Variants in PEG3 observed in about 807,000 individuals in gnomAD.
PEG3 encodes the protein paternally expressed 3.
Under a neutral mutation model 35.5 loss-of-function variants are expected in PEG3, and 23 were observed. The ratio of observed to expected loss-of-function variants is 0.65; its 90% confidence interval spans 0.47 to 0.92. The LOEUF is 0.92. Among genes scored for constraint, PEG3 ranks in the 40% least tolerant of loss-of-function variants. The probability of loss-of-function intolerance (pLI) is 0.00; values close to 1 mark genes in which losing one functional copy is unlikely to be tolerated. For missense variants in PEG3, 1,960 were observed against 1,985.3 expected (o/e 0.99, Z 0.24); for synonymous variants, 707 against 697.0 (o/e 1.01, Z -0.23).
chr19:56,837,670 G>C (rs1461774771), intron 1 of PEG3, among the ~76,000 whole-genome samples: 1 of 152,220 alleles, frequency 6.6e-6, no homozygotes, highest in Non-Finnish European at 1.5e-5. Context: ...CGGTCACTCA[G>C]GAAGGCTCCA....
intron 2 of PEG3, among the ~76,000 whole-genome samples, chr19:56,832,354 C>T (rs558958778): frequency 1.7e-4 from 26 of 152,208 alleles, no homozygotes; most frequent in African/African-American, 5.8e-4. Context: ...ACCATCTGTA[C>T]CTCCCCTCTC....
Position 56,836,075 on chromosome 19 carries a change from CAAG to C in PEG3, c.-223_-221del, listed in dbSNP as rs2062071211. The C allele has an allele frequency of 2.0e-6, 1 of 501,988 alleles. No individual in the cohort carries two copies. The highest frequency in any genetic ancestry group is 3.2e-4 in the Middle Eastern group (1 of 3,134). 31.1% of individuals were successfully genotyped at this position (501,988 alleles called of 1,614,324 possible). ...CCCTCTTCCTCTCGCCAGTCGTCTC[CAAG>C]AAGGACGGAAGATCAAGAAGGCAAA... On this transcript the variant is annotated 5_prime_UTR_variant, in exon 2 of 10. Transcript: ENST00000326441.
In PEG3 at chr19:56,816,293, C is replaced by T; in HGVS notation, c.2149G>A (p.Gly717Arg). Reference sequence around the variant, plus strand: ...CTATGAATGACAGATTTCTCATACCCTCTGCCTTCAAAGAGGTTCTTTCGA... The same window carrying T: ...CTATGAATGACAGATTTCTCATACCTTCTGCCTTCAAAGAGGTTCTTTCGA... ...HSRKNLFEGR[G>R]YEKSVIHSGP... Residue 717 changes from glycine (G) to arginine (R), a missense_variant, in exon 10 of 10, where the codon GGG (glycine) becomes AGG (arginine). Physicochemically the swap from Gly to Arg is moderately radical, Grantham distance 125. This residue lies in a region of PEG3 where 798 missense variants were observed against 782.4 expected (regional missense o/e 1.02). Coordinates refer to ENST00000326441, the MANE Select transcript of PEG3 (RefSeq NM_006210.3). 1 of 1,614,050 alleles carries T rather than the reference C, an allele frequency of 6.2e-7. No individual in the cohort carries two copies.
rs771988170 is a variant in PEG3, at chr19:56,817,151, G to GGCTGCTCAC, written c.1282_1290dup (p.Val428_Ser430dup). On this transcript the variant is annotated inframe_insertion, in exon 10 of 10. Coordinates refer to ENST00000326441, the MANE Select transcript of PEG3 (RefSeq NM_006210.3). The stretch of plus-strand genomic sequence containing the variant: ...AAGGAGGGGGAGCTGAGGCTGCTCA[G>GGCTGCTCAC]GCTGCTCACGCTCATGGCTTTTCTC... The GGCTGCTCAC allele has an allele frequency of 1.2e-6, 2 of 1,614,156 alleles. No homozygotes were observed. Among genetic ancestry groups the GGCTGCTCAC allele is most frequent in the Non-Finnish European group, 1.7e-6 (2 of 1,180,000 alleles).
At chr19:56,830,671 G>C (rs2061489713) in intron 2 of PEG3, among the ~76,000 whole-genome samples, 1 of 152,152 alleles carries the variant, frequency 6.6e-6, no homozygotes, top group Non-Finnish European at 1.5e-5. Flanking sequence ...AATACAGCAA[G>C]AGAAATAATT....
chr19:56,837,527 G>T (rs919029807), intron 1 of PEG3, among the ~76,000 whole-genome samples: 1 of 152,252 alleles, frequency 6.6e-6, no homozygotes, highest in Admixed American at 6.5e-5. Flanking sequence ...ACCCAAGGCT[G>T]CACAGCTGAA....
rs552976487 is a variant in PEG3, at chr19:56,821,068, T to C, written c.669+583A>G. ...GCTGCCTCTTAAACCACAACTGCCATAATTGTTAACATTTAACGGTGTGCC... is the reference window on the plus strand; with the variant it reads ...GCTGCCTCTTAAACCACAACTGCCACAATTGTTAACATTTAACGGTGTGCC... On this transcript the variant is annotated intron_variant, in intron 7 of 9. Coordinates refer to ENST00000326441, the MANE Select transcript of PEG3 (RefSeq NM_006210.3). Among the ~76,000 whole-genome samples, 3 of 152,360 alleles carry C rather than the reference T, an allele frequency of 2.0e-5. No homozygotes were observed. The South Asian group carries it at 6.2e-4, about 32-fold the overall frequency.
rs998292457 is a variant in PEG3 at position 56,812,416 on chromosome 19, G to C, written c.*1259C>G. ...ATGTTAAGCTTGGGTTGACTGTAAA[G>C]AATTTTTTTTTTTTTAATGCAAGTT... On this transcript the variant is annotated 3_prime_UTR_variant, in exon 10 of 10. Transcript: ENST00000326441. 2 of 974,624 alleles carry C rather than the reference G, an allele frequency of 2.1e-6. No homozygotes were observed. The highest frequency in any genetic ancestry group is 4.8e-5 in the South Asian group (1 of 20,734). The allele number at this position is 974,624 out of a possible 1,614,324, so 60.4% of individuals were successfully genotyped here.
intron 1 of PEG3, among the ~76,000 whole-genome samples, chr19:56,836,725 T>C (rs1411853001): frequency 1.3e-5 from 2 of 152,034 alleles, no homozygotes; most frequent in Non-Finnish European, 2.9e-5. Flanking sequence ...TCCCAGCACT[T>C]TGGGAGGCCA....
chr19:56,819,781 T>C (rs543771148), intron 7 of PEG3, among the ~76,000 whole-genome samples: 1 of 152,250 alleles, frequency 6.6e-6, no homozygotes, highest in African/African-American at 2.4e-5. Flanking sequence ...GTAAAGGAAA[T>C]ACAAATGTCT....
In PEG3 at chr19:56,836,106, T is replaced by C; in HGVS notation, c.-249-2A>G. 1 of 474,898 alleles carries C rather than the reference T, an allele frequency of 2.1e-6. No homozygotes were observed. The highest frequency in any genetic ancestry group is 4.2e-6 in the Non-Finnish European group (1 of 236,740). 29.4% of individuals were successfully genotyped at this position (474,898 alleles called of 1,614,324 possible). A position where few individuals can be genotyped will look rare whatever the true frequency, so the allele number is the denominator to read the frequency against. On this transcript the variant is annotated splice_acceptor_variant, in intron 1 of 9. Transcript: ENST00000326441. LOFTEE classifies it low-confidence loss of function (5UTR_SPLICE). ...GGACGGAAGATCAAGAAGGCAAAGC[T>C]GTAGAGGAAAAGAAAATGTGAGACG...
Position 56,813,455 on chromosome 19 carries a change from T to C in PEG3, c.*220A>G. 2.2e-6 allele frequency: 3 copies of C among 1,379,788 alleles called. No homozygotes were observed. The highest frequency in any genetic ancestry group is 3.6e-5 in the South Asian group (2 of 55,592). The allele number at this position is 1,379,788 out of a possible 1,614,324, so 85.5% of individuals were successfully genotyped here. A position where few individuals can be genotyped will look rare whatever the true frequency, so the allele number is the denominator to read the frequency against. On this transcript the variant is annotated 3_prime_UTR_variant, in exon 10 of 10. Transcript: ENST00000326441. ...GGAAAGGTAAGATGTGTGCTATGGC[T>C]TTCCCACATGCAGACACTGACATCT...
Position 56,814,549 on chromosome 19 carries a change from G to A in PEG3, c.3893C>T (p.Ala1298Val), listed in dbSNP as rs771668906. The A allele has an allele frequency of 1.2e-6, 2 of 1,613,766 alleles. No homozygotes were observed. The highest frequency in any genetic ancestry group is 2.2e-5 in the South Asian group (2 of 91,054). The change falls in exon 10 of 10, where the codon GCA becomes GTA. Residue 1298 changes from alanine to valine, a missense_variant. Transcript: ENST00000326441. The surrounding 1 kb of genome is among the most constrained non-coding windows in gnomAD (Gnocchi z 5.8). Reference protein sequence around the residue: ...GESFVNPAELADHVTVHKNEP... With the variant: ...GESFVNPAELVDHVTVHKNEP... ...ATTCTTATGAACAGTTACGTGATCT[G>A]CAAGTTCTGCTGGGTTGACGAAAGA...
Position 56,810,517 on chromosome 19 carries a change from G to C in PEG3, c.*3158C>G, listed in dbSNP as rs2048058386. Reference sequence around the variant, plus strand: ...AACAGTTAATTGTTGTTGGGTGTTGGGAATATGTGTGAATTTTCTTTACTG... The same window carrying C: ...AACAGTTAATTGTTGTTGGGTGTTGCGAATATGTGTGAATTTTCTTTACTG... On this transcript the variant is annotated 3_prime_UTR_variant, in exon 10 of 10. Transcript: ENST00000326441. The C allele has an allele frequency of 2.0e-6, 2 of 984,120 alleles. No individual in the cohort carries two copies. The highest frequency in any genetic ancestry group is 3.5e-5 in the African/African-American group (2 of 57,138). 61.0% of individuals were successfully genotyped at this position (984,120 alleles called of 1,614,324 possible).
Position 56,813,164 on chromosome 19 carries a change from TA to T in PEG3, c.*510del. On this transcript the variant is annotated 3_prime_UTR_variant, in exon 10 of 10. Transcript: ENST00000326441. ...AATCTTTCTCAGGATCTAAGACACT[TA>T]AAAATATAATCAAATTTGTTGCTCT... The T allele has an allele frequency of 1.0e-6, 1 of 980,852 alleles. No individual in the cohort carries two copies. Among genetic ancestry groups the T allele is most frequent in the Non-Finnish European group, 1.2e-6 (1 of 827,034 alleles). The allele number at this position is 980,852 out of a possible 1,614,324, so 60.8% of individuals were successfully genotyped here. A position where few individuals can be genotyped will look rare whatever the true frequency, so the allele number is the denominator to read the frequency against.
chr19:56,817,189 C>T lies in PEG3; in HGVS notation c.1253G>A (p.Cys418Tyr). 6.2e-7 allele frequency: 1 copy of T among 1,614,230 alleles called. No individual in the cohort carries two copies. The highest frequency in any genetic ancestry group is 8.5e-7 in the Non-Finnish European group (1 of 1,180,034). ...CATGGCTTTTCTCATCTCACTACCA[C>T]ATTCAAAGGGCTTCTTCCTGGGACA... is the stretch of plus-strand genomic sequence containing the variant. The part of the protein sequence containing the change: ...KGCPRKKPFE[C>Y]GSEMRKAMSV... Residue 418 changes from cysteine to tyrosine, a missense_variant, in exon 10 of 10, where the codon TGT becomes TAT. Coordinates refer to ENST00000326441, the MANE Select transcript of PEG3 (RefSeq NM_006210.3).
chr19:56,815,397 A>C lies in PEG3; in HGVS notation c.3045T>G (p.Pro1015=). Residue 1015 remains proline (P), a synonymous_variant, in exon 10 of 10, where the codon CCT becomes CCG. Transcript: ENST00000326441. ...SVIRSLAPTD[P]QTSYAQEQYA... ...ACTGCTCTTGGGCGTAACTTGTTTG[A>C]GGGTCAGTAGGGGCCAAGCTGCGAA... 6.2e-7 allele frequency: 1 copy of C among 1,614,114 alleles called. No homozygotes were observed. The highest frequency in any genetic ancestry group is 1.3e-5 in the African/African-American group (1 of 75,042).
intron 8 of PEG3, 96 bp from the exon 9 acceptor site, chr19:56,817,931 A>G (rs903407954): frequency 6.3e-6 from 6 of 947,164 alleles, no homozygotes; most frequent in Non-Finnish European, 8.2e-6. Flanking sequence ...GAGCCACTAA[A>G]TATGAGGTGG....
chr19:56,814,198 G>C lies in PEG3; in HGVS notation c.4244C>G (p.Ala1415Gly). ...EVEAAEPEVE[A>G]AEPNGEAEGP... ...TTCAGCCTCTCCGTTTGGCTCAGCA[G>C]CCTCCACTTCTGGCTCAGCAGCCTC... The change falls in exon 10 of 10, where the codon GCT becomes GGT. Residue 1415 changes from alanine to glycine, a missense_variant. Transcript: ENST00000326441. This position sits in a 1 kb window ranked among gnomAD's most constrained non-coding sequence, Gnocchi z 5.8. The C allele has an allele frequency of 6.2e-7, 1 of 1,611,520 alleles. No homozygotes were observed. Among genetic ancestry groups the C allele is most frequent in the Non-Finnish European group, 8.5e-7 (1 of 1,178,266 alleles).
Sources: allele counts gnomAD v4.1 joint callset (sites outside exome capture counted in the v4.1 genomes callset), GRCh38; gene constraint gnomAD v4.1.1; regional missense constraint gnomAD v4.1.1; non-coding constraint Gnocchi (gnomAD v3.1); transcripts MANE v1.5; gene names NCBI Gene and HGNC (gene_info 2026-07-23, HGNC 2026-07-21).